The following FASTK variants were observed in gnomAD, a reference collection of about 807,000 sequenced individuals.
FASTK encodes fas-activated serine/threonine kinase.
Under a neutral mutation model 60.0 loss-of-function variants are expected in FASTK, and 28 were observed. The ratio of observed to expected loss-of-function variants is 0.47; its 90% CI spans 0.35 to 0.64. FASTK has a LOEUF of 0.64. Ranked by LOEUF, FASTK falls within the 30% of genes least tolerant of loss-of-function variation. The pLI is 0.01. For synonymous variants in FASTK, 325 were observed against 307.9 expected, an observed-to-expected ratio of 1.06 and a Z score of -0.58; for missense variants, 595 against 713.8, an observed-to-expected ratio of 0.83 and a Z score of 1.90.
At chr7:151,077,464 T>C in intron 6 of FASTK, 63 bp from the exon 7 acceptor site, 1 of 1,563,164 alleles carries the variant, frequency 6.4e-7, no homozygotes, top group Non-Finnish European at 8.8e-7. Context: ...TGTCCCAGTC[T>C]AGTGCCACCA....
At position 151,080,479 on chromosome 7, in the gene FASTK, T is replaced by C. The variant is rs899642012; in HGVS notation, c.82+206A>G. 11 of 1,284,210 alleles carry C rather than the reference T, an allele frequency of 8.6e-6. No homozygotes were observed. In the South Asian group the frequency reaches 2.2e-4, roughly 25 times the overall value. 79.6% of individuals were successfully genotyped at this position (1,284,210 alleles called of 1,614,324 possible). ...ACAAGTGGCTTCGTCTCTCTAAGTC[T>C]CCTCACCCGTGAAATGAAAACGCAG... On this transcript the variant is annotated intron_variant, in intron 1 of 9. Coordinates refer to ENST00000297532, the MANE Select transcript of FASTK (RefSeq NM_006712.5).
Position 151,076,796 on chromosome 7 carries a change from G to A in FASTK, c.1579C>T (p.Pro527Ser). The change falls in exon 10 of 10, where the codon CCC becomes TCC. Residue 527 changes from proline to serine, a missense_variant. Around this residue, in one of 2 missense-constraint regions of FASTK, gnomAD observed 471 missense variants for 605.9 expected, o/e 0.78. Transcript: ENST00000297532. The part of the protein sequence containing the change: ...FEELESQRGL[P>S]QLKSYLRQKL... ...TGCCTCAGGTAGCTCTTGAGCTGGGGCAGGCCTCTCTGGGACTCCAGTTCC... is the reference window on the plus strand; with the variant it reads ...TGCCTCAGGTAGCTCTTGAGCTGGGACAGGCCTCTCTGGGACTCCAGTTCC... The A allele has an allele frequency of 1.2e-6, 2 of 1,612,418 alleles. No homozygotes were observed. The highest frequency in any genetic ancestry group is 1.7e-6 in the Non-Finnish European group (2 of 1,179,460).
chr7:151,078,475 A>G, intron 4 of FASTK, 87 bp downstream of exon 4: 1 of 1,463,072 alleles, frequency 6.8e-7, no homozygotes, highest in South Asian at 1.2e-5. Flanking sequence ...GCTTCAGGAA[A>G]AGGATAGCCG....
At position 151,078,999 on chromosome 7, in the gene FASTK, C is replaced by G; in HGVS notation, c.528G>C (p.Leu176=). 1 of 1,501,704 alleles carries G rather than the reference C, an allele frequency of 6.7e-7. No homozygotes were observed. Among genetic ancestry groups the G allele is most frequent in the Non-Finnish European group, 8.9e-7 (1 of 1,127,612 alleles). The allele number at this position is 1,501,704 out of a possible 1,614,324, so 93.0% of individuals were successfully genotyped here. ...VLLGFPSDGP[L]VCALEQERRL... is the part of the protein sequence containing the mutation. ...TTCGCTCCTGTTCCAGGGCACACACCAGGGGACCATCAGATGGAAAGCCTG... is the reference window on the plus strand; with the variant it reads ...TTCGCTCCTGTTCCAGGGCACACACGAGGGGACCATCAGATGGAAAGCCTG... The change falls in exon 3 of 10, where the codon CTG becomes CTC. Residue 176 remains leucine, a synonymous_variant. Coordinates refer to ENST00000297532, the MANE Select transcript of FASTK (RefSeq NM_006712.5).
At chr7:151,080,300 T>A (rs1005794719) in intron 1 of FASTK, 4 of 391,660 alleles carry the variant, frequency 1.0e-5, no homozygotes, top group African/African-American at 8.4e-5. Context: ...TCGCGCCCAG[T>A]CTGGAGCCCA....
At chr7:151,079,317 T>C in intron 2 of FASTK, 183 bp downstream of exon 2, 1 of 645,364 alleles carries the variant, frequency 1.5e-6, no homozygotes. Flanking sequence ...GGTGGCACCC[T>C]AGCGAGGCCG....
chr7:151,079,019 A>T lies in FASTK; in HGVS notation c.508T>A (p.Phe170Ile). 1 of 1,469,218 alleles carries T rather than the reference A, an allele frequency of 6.8e-7. No homozygotes were observed. Among genetic ancestry groups the T allele is most frequent in the Non-Finnish European group, 9.0e-7 (1 of 1,110,950 alleles). The allele number at this position is 1,469,218 out of a possible 1,614,324, so 91.0% of individuals were successfully genotyped here. A position where few individuals can be genotyped will look rare whatever the true frequency, so the allele number is the denominator to read the frequency against. Reference protein sequence around the residue: ...VCLHLAVLLGFPSDGPLVCAL... With the variant: ...VCLHLAVLLGIPSDGPLVCAL... ...CACACCAGGGGACCATCAGATGGAA[A>T]GCCTGAGGGGGAGAGGTAAAAGGCA... Residue 170 changes from phenylalanine (F) to isoleucine (I), a missense_variant and splice_region_variant, in exon 3 of 10, where the codon TTT becomes ATT. Phe to Ile is a conservative substitution (Grantham distance 21, BLOSUM62 0). Transcript: ENST00000297532.
At position 151,079,596 on chromosome 7, in the gene FASTK, C is replaced by A; in HGVS notation, c.409G>T (p.Val137Phe). 1 of 1,613,992 alleles carries A rather than the reference C, an allele frequency of 6.2e-7. No homozygotes were observed. The highest frequency in any genetic ancestry group is 1.7e-5 in the Admixed American group (1 of 60,020). ...SRPRPPPVEQVTLQDLSQLII... is the reference protein window; with the variant it reads ...SRPRPPPVEQFTLQDLSQLII... ...AGCTGACTCAAGTCCTGCAGTGTGACCTGCTCCACAGGAGGGGGCCGTGGC... is the reference window on the plus strand; with the variant it reads ...AGCTGACTCAAGTCCTGCAGTGTGAACTGCTCCACAGGAGGGGGCCGTGGC... Residue 137 changes from valine (V) to phenylalanine (F), a missense_variant, in exon 2 of 10, where the codon GTC (valine) becomes TTC (phenylalanine). By Grantham distance (50) the Val-to-Phe change is conservative (BLOSUM62 -1). This residue lies in a region of FASTK where 471 missense variants were observed against 605.9 expected (regional missense o/e 0.78). Coordinates refer to ENST00000297532, the MANE Select transcript of FASTK (RefSeq NM_006712.5).
At chr7:151,077,424 G>A in intron 6 of FASTK, 23 bp from the exon 7 acceptor site, 1 of 1,606,332 alleles carries the variant, frequency 6.2e-7, no homozygotes, top group South Asian at 1.1e-5. Flanking sequence ...GACACCAGTA[G>A]CAGGAAGGGC....
At chr7:151,079,352 G>A (rs1342189001) in intron 2 of FASTK, 148 bp downstream of exon 2, 2 of 781,712 alleles carry the variant, frequency 2.6e-6, no homozygotes, top group Non-Finnish European at 2.0e-6. Flanking sequence ...GACTCATGAT[G>A]TCTGCCGCAG....
In FASTK at chr7:151,078,851, T is replaced by C; in HGVS notation, c.676A>G (p.Ser226Gly). ...LRYPRQHLIS[S>G]LAEARPEELT... ...TAACCCCCTCCAGCACCTGCCAGGCTGCTGATCAGATGCTGCCGTGGATAC... is the reference window on the plus strand; with the variant it reads ...TAACCCCCTCCAGCACCTGCCAGGCCGCTGATCAGATGCTGCCGTGGATAC... Residue 226 changes from serine to glycine, a missense_variant, in exon 3 of 10, where the codon AGC (serine) becomes GGC (glycine). By Grantham distance (56) the Ser-to-Gly change is moderately conservative. Coordinates refer to ENST00000297532, the MANE Select transcript of FASTK (RefSeq NM_006712.5). The C allele has an allele frequency of 6.2e-7, 1 of 1,608,310 alleles. No homozygotes were observed. Among genetic ancestry groups the C allele is most frequent in the Non-Finnish European group, 8.5e-7 (1 of 1,178,204 alleles).
In FASTK at chr7:151,080,004, A is replaced by C. The variant is rs560585508; in HGVS notation, c.83-82T>G. On this transcript the variant is annotated intron_variant, in intron 1 of 9. Transcript: ENST00000297532. Reference sequence around the variant, plus strand: ...CTACCTACTGCTTACCTCACTCCTCATTTAGGGGGCCTGTGGTCAGAGCAA... The same window carrying C: ...CTACCTACTGCTTACCTCACTCCTCCTTTAGGGGGCCTGTGGTCAGAGCAA... 8.0e-6 allele frequency: 10 copies of C among 1,246,056 alleles called. No individual in the cohort carries two copies. In the South Asian group the frequency reaches 1.5e-4, roughly 19 times the overall value. 77.2% of individuals were successfully genotyped at this position (1,246,056 alleles called of 1,614,324 possible). A position where few individuals can be genotyped will look rare whatever the true frequency, so the allele number is the denominator to read the frequency against.
intron 2 of FASTK, 71 bp downstream of exon 2, chr7:151,079,429 G>T: frequency 7.0e-7 from 1 of 1,423,168 alleles, no homozygotes; most frequent in Non-Finnish European, 9.5e-7. Flanking sequence ...TCTGTCCGTG[G>T]TCCTCTACTG....
At chr7:151,078,780 G>C in intron 3 of FASTK, 62 bp downstream of exon 3, 1 of 1,609,016 alleles carries the variant, frequency 6.2e-7, no homozygotes, top group Non-Finnish European at 8.5e-7. Flanking sequence ...AGCCAACTGA[G>C]CCCACCTTCC....
At chr7:151,078,200 A>AACCTG in intron 4 of FASTK, 108 bp from the exon 5 acceptor site, 1 of 819,798 alleles carries the variant, frequency 1.2e-6, no homozygotes, top group Non-Finnish European at 1.9e-6. Flanking sequence ...CACTGCTGTA[A>AACCTG]AGACAGGACA....
chr7:151,080,684 C>A lies in FASTK; in HGVS notation c.82+1G>T. 1 of 1,436,592 alleles carries A rather than the reference C, an allele frequency of 7.0e-7. No homozygotes were observed. The highest frequency in any genetic ancestry group is 9.1e-7 in the Non-Finnish European group (1 of 1,100,422). The allele number at this position is 1,436,592 out of a possible 1,614,324, so 89.0% of individuals were successfully genotyped here. On this transcript the variant is annotated splice_donor_variant, in intron 1 of 9. Transcript: ENST00000297532. LOFTEE classifies it high-confidence loss of function. ...GCCCTCCCCGCAGGCGCCACCCCTA[C>A]ATGACTCCCCGGGCCCTGCGCAGGT... is the stretch of plus-strand genomic sequence containing the variant.
Position 151,077,875 on chromosome 7 carries a change from G to T in FASTK, c.1039+4C>A. The T allele has an allele frequency of 6.2e-7, 1 of 1,611,876 alleles. No homozygotes were observed. Among genetic ancestry groups the T allele is most frequent in the Non-Finnish European group, 8.5e-7 (1 of 1,178,458 alleles). On this transcript the variant is annotated splice_donor_region_variant and intron_variant, in intron 5 of 9. Coordinates refer to ENST00000297532, the MANE Select transcript of FASTK (RefSeq NM_006712.5). ...GGGCCCAGCCAGCCATCCTGGCTGC[G>T]TACCACTGATGTAGTTGATGAAGCC...
chr7:151,079,768 T>G lies in FASTK; in HGVS notation c.237A>C (p.Ala79=). Reference sequence around the variant, plus strand: ...GCCGCTGCAGTCCTTGCACAGGACCTGCACTGGGGCCTCCTCCAACAGGCC... The same window carrying G: ...GCCGCTGCAGTCCTTGCACAGGACCGGCACTGGGGCCTCCTCCAACAGGCC... ...GDRPVGGGPS[A]GPVQGLQRLL... is the part of the protein sequence containing the mutation. Residue 79 remains alanine (A), a synonymous_variant, in exon 2 of 10, where the codon GCA becomes GCC. Coordinates refer to ENST00000297532, the MANE Select transcript of FASTK (RefSeq NM_006712.5). The G allele has an allele frequency of 6.2e-7, 1 of 1,601,512 alleles. No individual in the cohort carries two copies.
At chr7:151,080,040 C>G in intron 1 of FASTK, 118 bp from the exon 2 acceptor site, 1 of 871,206 alleles carries the variant, frequency 1.1e-6, no homozygotes, top group Non-Finnish European at 1.7e-6. Context: ...GCCTTTGTGA[C>G]TGCTCTGGGC....
Sources: gnomAD v4.1 joint callset for allele counts on GRCh38, gnomAD v4.1.1 for gene constraint, gnomAD v4.1.1 regional missense constraint, MANE v1.5 for transcripts, NCBI Gene and HGNC (gene_info 2026-07-23, HGNC 2026-07-21) for gene names.